The following SAP30 variants were observed in gnomAD, a reference collection of about 807,000 sequenced individuals.
SAP30 encodes the protein Sin3A associated protein 30, also known as histone deacetylase complex subunit SAP30.
Under a neutral mutation model 19.6 loss-of-function variants are expected in SAP30, and 13 were observed. The observed-to-expected ratio is 0.66, with a 90% CI of 0.43 to 1.05. SAP30 has a LOEUF of 1.05. SAP30 is among the 50% of genes least tolerant of loss of function. The probability of loss-of-function intolerance (pLI) is 0.00; values close to 1 mark genes in which losing one functional copy is unlikely to be tolerated. For missense variants in SAP30, 257 were observed against 292.1 expected (o/e 0.88, Z 0.88); for synonymous variants, 108 against 122.7 (o/e 0.88, Z 0.79).
Position 173,371,457 on chromosome 4 carries a change from G to T in SAP30, c.275G>T (p.Ser92Ile). 3 of 1,592,002 alleles carry T rather than the reference G, an allele frequency of 1.9e-6. No individual in the cohort carries two copies. The highest frequency in any genetic ancestry group is 2.6e-6 in the Non-Finnish European group (3 of 1,175,760). Residue 92 changes from serine (S) to isoleucine (I), a missense_variant, in exon 1 of 4, where the codon AGC (serine) becomes ATC (isoleucine). Coordinates refer to ENST00000296504, the MANE Select transcript of SAP30 (RefSeq NM_003864.4). The surrounding 1 kb of genome is among the most constrained non-coding windows in gnomAD (Gnocchi z 6.4). ...NASFSKRIQKSISQKKVKIEL... is the reference protein window; with the variant it reads ...NASFSKRIQKIISQKKVKIEL... Reference sequence around the variant, plus strand: ...AGCTTCAGCAAGAGGATCCAGAAGAGCATCTCCCAGAAGAAGGTGAAGATC... The same window carrying T: ...AGCTTCAGCAAGAGGATCCAGAAGATCATCTCCCAGAAGAAGGTGAAGATC...
intron 3 of SAP30, among the ~76,000 whole-genome samples, chr4:173,376,115 A>C (rs1739034108): frequency 6.6e-6 from 1 of 152,182 alleles, no homozygotes; most frequent in Non-Finnish European, 1.5e-5. Flanking sequence ...GGGTTGTATG[A>C]CTAAGTCTTA....
Position 173,377,358 on chromosome 4 carries a change from T to G in SAP30, c.*31T>G, listed in dbSNP as rs1416714656. On this transcript the variant is annotated 3_prime_UTR_variant, in exon 4 of 4. Coordinates refer to ENST00000296504, the MANE Select transcript of SAP30 (RefSeq NM_003864.4). The stretch of plus-strand genomic sequence containing the variant: ...GTGGAATTGAGACTAATAACTTGGA[T>G]GTTAACACTGTTTACTGTTTTTTCA... 2 of 1,578,414 alleles carry G rather than the reference T, an allele frequency of 1.3e-6. No homozygotes were observed. The highest frequency in any genetic ancestry group is 8.6e-7 in the Non-Finnish European group (1 of 1,165,782).
Position 173,371,589 on chromosome 4 carries a change from G to GACA in SAP30, c.315+95_315+97dup, listed in dbSNP as rs1469983420. 1 of 1,507,834 alleles carries GACA rather than the reference G, an allele frequency of 6.6e-7. No homozygotes were observed. Among genetic ancestry groups the GACA allele is most frequent in the Admixed American group, 1.9e-5 (1 of 52,444 alleles). The allele number at this position is 1,507,834 out of a possible 1,614,324, so 93.4% of individuals were successfully genotyped here. ...CACGGGTTGTCGGCGGGGTCCCCCA[G>GACA]ACAACCGCACTGGCTGCAGTGCGGT... On this transcript the variant is annotated intron_variant, in intron 1 of 3. Transcript: ENST00000296504. The surrounding 1 kb of genome is among the most constrained non-coding windows in gnomAD (Gnocchi z 6.4).
At chr4:173,375,123 A>G (rs148513956) in intron 3 of SAP30, among the ~76,000 whole-genome samples, 114 of 151,570 alleles carry the variant, frequency 7.5e-4, no homozygotes, top group African/African-American at 2.5e-3. Context: ...CACCATGGGC[A>G]ACATAGCAAC....
chr4:173,372,662 A>T (rs1449711458), intron 1 of SAP30, among the ~76,000 whole-genome samples: 2 of 152,214 alleles, frequency 1.3e-5, no homozygotes, highest in African/African-American at 4.8e-5. Context: ...ATATTACTAA[A>T]ATATGCTGTT....
At position 173,371,327 on chromosome 4, in the gene SAP30, G is replaced by T. The variant is rs1738926875; in HGVS notation, c.145G>T (p.Ala49Ser). The change falls in exon 1 of 4, where the codon GCG (alanine) becomes TCG (serine). Residue 49 changes from alanine (A) to serine (S), a missense_variant. Coordinates refer to ENST00000296504, the MANE Select transcript of SAP30 (RefSeq NM_003864.4). The surrounding 1 kb of genome is among the most constrained non-coding windows in gnomAD (Gnocchi z 6.4). ...GTGAEVPGAGAVSAAGPPGAA... is the reference protein window; with the variant it reads ...GTGAEVPGAGSVSAAGPPGAA... ...CGGGGCTGAGGTGCCGGGCGCGGGGGCGGTCTCAGCGGCTGGGCCCCCGGG... is the reference window on the plus strand; with the variant it reads ...CGGGGCTGAGGTGCCGGGCGCGGGGTCGGTCTCAGCGGCTGGGCCCCCGGG... 7.5e-7 allele frequency: 1 copy of T among 1,331,298 alleles called. No individual in the cohort carries two copies. Among genetic ancestry groups the T allele is most frequent in the Middle Eastern group, 2.7e-4 (1 of 3,744 alleles). The allele number at this position is 1,331,298 out of a possible 1,614,324, so 82.5% of individuals were successfully genotyped here.
At position 173,374,003 on chromosome 4, in the gene SAP30, C is replaced by T; in HGVS notation, c.506C>T (p.Thr169Ile). ...TACAAAAGACACTTCAAGCTACCAA[C>T]CAGACCAGGACTTAATAAAGCACAA... The part of the protein sequence containing the change: ...RRYKRHFKLP[T>I]RPGLNKAQLV... Residue 169 changes from threonine (T) to isoleucine (I), a missense_variant, in exon 3 of 4, where the codon ACC (threonine) becomes ATC (isoleucine). Transcript: ENST00000296504. 6.2e-7 allele frequency: 1 copy of T among 1,602,782 alleles called. No individual in the cohort carries two copies. The highest frequency in any genetic ancestry group is 8.5e-7 in the Non-Finnish European group (1 of 1,173,290).
rs750975131 is a variant in SAP30 at position 173,371,492 on chromosome 4, A to T, written c.310A>T (p.Lys104Ter). 6.3e-7 allele frequency: 1 copy of T among 1,582,548 alleles called. No individual in the cohort carries two copies. The highest frequency in any genetic ancestry group is 1.1e-5 in the South Asian group (1 of 90,876). The change falls in exon 1 of 4, where the codon AAG (lysine) becomes TAG (stop). Residue 104 changes from lysine (K) to a stop codon, truncating the protein, a stop_gained. Coordinates refer to ENST00000296504, the MANE Select transcript of SAP30 (RefSeq NM_003864.4). LOFTEE classifies it high-confidence loss of function. This position sits in a 1 kb window ranked among gnomAD's most constrained non-coding sequence, Gnocchi z 6.4. ...SQKKVKIELD[K>*]SARHLYICDY... Reference sequence around the variant, plus strand: ...GAAGAAGGTGAAGATCGAGCTGGATAAGAGCGTAAGTAAACCGCGGGACCG... The same window carrying T: ...GAAGAAGGTGAAGATCGAGCTGGATTAGAGCGTAAGTAAACCGCGGGACCG...
chr4:173,375,300 C>G (rs1424650241), intron 3 of SAP30, among the ~76,000 whole-genome samples: 1 of 152,014 alleles, frequency 6.6e-6, no homozygotes, highest in Non-Finnish European at 1.5e-5. Flanking sequence ...ATTTATTTGG[C>G]AGAATGCTTT....
At position 173,371,291 on chromosome 4, in the gene SAP30, G is replaced by C; in HGVS notation, c.109G>C (p.Gly37Arg). ...CGCCGCCTCGGCGGGGAACGGGACC[G>C]GCGCGGGCACCGGGGCTGAGGTGCC... Reference protein sequence around the residue: ...AAAASAGNGTGAGTGAEVPGA... With the variant: ...AAAASAGNGTRAGTGAEVPGA... The change falls in exon 1 of 4, where the codon GGC (glycine) becomes CGC (arginine). Residue 37 changes from glycine (G) to arginine (R), a missense_variant. Physicochemically the swap from Gly to Arg is moderately radical, Grantham distance 125 (BLOSUM62 -2). Transcript: ENST00000296504. This position sits in a 1 kb window ranked among gnomAD's most constrained non-coding sequence, Gnocchi z 6.4. 1 of 1,241,226 alleles carries C rather than the reference G, an allele frequency of 8.1e-7. No homozygotes were observed. The highest frequency in any genetic ancestry group is 1.0e-6 in the Non-Finnish European group (1 of 997,738). 76.9% of individuals were successfully genotyped at this position (1,241,226 alleles called of 1,614,324 possible).
chr4:173,374,048 G>T lies in SAP30; in HGVS notation c.540+11G>T. The T allele has an allele frequency of 1.4e-6, 2 of 1,472,694 alleles. No homozygotes were observed. The highest frequency in any genetic ancestry group is 1.9e-6 in the Non-Finnish European group (2 of 1,070,028). 91.2% of individuals were successfully genotyped at this position (1,472,694 alleles called of 1,614,324 possible). A position where few individuals can be genotyped will look rare whatever the true frequency, so the allele number is the denominator to read the frequency against. ...GCACAACTTGTTGAGGTATATATGA[G>T]TTTTAAACTATTTGAACTATCTGCA... On this transcript the variant is annotated intron_variant, in intron 3 of 3. Coordinates refer to ENST00000296504, the MANE Select transcript of SAP30 (RefSeq NM_003864.4).
chr4:173,371,380 G>C lies in SAP30; in HGVS notation c.198G>C (p.Leu66=), dbSNP rs1738929567. ...PGAAGPGPGQ[L]CCLREDGERC... ...CGGCCGGGCCGGGCCCCGGGCAACT[G>C]TGCTGCCTGCGGGAGGATGGTGAGC... The change falls in exon 1 of 4, where the codon CTG becomes CTC. Residue 66 remains leucine (L), a synonymous_variant. Transcript: ENST00000296504. The surrounding 1 kb of genome is among the most constrained non-coding windows in gnomAD (Gnocchi z 6.4). 1 of 1,572,624 alleles carries C rather than the reference G, an allele frequency of 6.4e-7. No homozygotes were observed. The highest frequency in any genetic ancestry group is 1.1e-5 in the South Asian group (1 of 90,400).
At chr4:173,374,461 A>G (rs1371096215) in intron 3 of SAP30, among the ~76,000 whole-genome samples, 1 of 152,122 alleles carries the variant, frequency 6.6e-6, no homozygotes, top group Non-Finnish European at 1.5e-5. Flanking sequence ...TAATATTTTT[A>G]GTAGAGATAG....
chr4:173,373,994 A>G lies in SAP30; in HGVS notation c.497A>G (p.Lys166Arg). ...CTTAGGAGATACAAAAGACACTTCA[A>G]GCTACCAACCAGACCAGGACTTAAT... Reference protein sequence around the residue: ...NTLRRYKRHFKLPTRPGLNKA... With the variant: ...NTLRRYKRHFRLPTRPGLNKA... The change falls in exon 3 of 4, where the codon AAG (lysine) becomes AGG (arginine). Residue 166 changes from lysine (K) to arginine (R), a missense_variant. Lys to Arg is a conservative substitution (Grantham distance 26). Transcript: ENST00000296504. The G allele has an allele frequency of 6.2e-7, 1 of 1,605,220 alleles. No homozygotes were observed. The highest frequency in any genetic ancestry group is 8.5e-7 in the Non-Finnish European group (1 of 1,174,970).
intron 2 of SAP30, 59 bp from the exon 3 acceptor site, chr4:173,373,880 T>A: frequency 1.2e-6 from 1 of 807,314 alleles, no homozygotes. Context: ...ATTATACATA[T>A]CAATGATAAA....
intron 1 of SAP30, among the ~76,000 whole-genome samples, chr4:173,372,583 G>A (rs1332516729): frequency 6.6e-6 from 1 of 152,158 alleles, no homozygotes; most frequent in Non-Finnish European, 1.5e-5. Flanking sequence ...GCTCATTTGT[G>A]AAAACGAATG....
At chr4:173,372,380 T>C (rs1001211127) in intron 1 of SAP30, among the ~76,000 whole-genome samples, 5 of 152,232 alleles carry the variant, frequency 3.3e-5, no homozygotes, top group African/African-American at 1.2e-4. Context: ...TATATGTAAT[T>C]AAAGTTTTTG....
Position 173,373,399 on chromosome 4 carries a change from C to T in SAP30, c.325C>T (p.Leu109Phe), listed in dbSNP as rs1381584506. The T allele has an allele frequency of 6.3e-7, 1 of 1,599,946 alleles. No homozygotes were observed. Among genetic ancestry groups the T allele is most frequent in the Non-Finnish European group, 8.5e-7 (1 of 1,173,948 alleles). The stretch of plus-strand genomic sequence containing the variant: ...AACTTTTCTGTTTCAGGCAAGGCAT[C>T]TTTACATATGTGATTATCATAAAAA... ...KIELDKSARHLYICDYHKNLI... is the reference protein window; with the variant it reads ...KIELDKSARHFYICDYHKNLI... Residue 109 changes from leucine (L) to phenylalanine (F), a missense_variant, in exon 2 of 4, where the codon CTT becomes TTT. Leu to Phe is a conservative substitution (Grantham distance 22). Coordinates refer to ENST00000296504, the MANE Select transcript of SAP30 (RefSeq NM_003864.4).
rs926132805 is a variant in SAP30, at chr4:173,371,434, C to T, written c.252C>T (p.Ser84=). Residue 84 remains serine, a synonymous_variant, in exon 1 of 4, where the codon AGC becomes AGT. Coordinates refer to ENST00000296504, the MANE Select transcript of SAP30 (RefSeq NM_003864.4). This position sits in a 1 kb window ranked among gnomAD's most constrained non-coding sequence, Gnocchi z 6.4. The part of the protein sequence containing the change: ...ERCGRAAGNA[S]FSKRIQKSIS... Reference sequence around the variant, plus strand: ...GCGGCCGGGCGGCAGGCAACGCCAGCTTCAGCAAGAGGATCCAGAAGAGCA... The same window carrying T: ...GCGGCCGGGCGGCAGGCAACGCCAGTTTCAGCAAGAGGATCCAGAAGAGCA... 14 of 1,592,358 alleles carry T rather than the reference C, an allele frequency of 8.8e-6. No individual in the cohort carries two copies. Among genetic ancestry groups the T allele is most frequent in the African/African-American group, 4.0e-5 (3 of 74,170 alleles).
Sources: gnomAD v4.1 joint callset for allele counts (sites outside exome capture counted in the v4.1 genomes callset) on GRCh38, gnomAD v4.1.1 for gene constraint, Gnocchi (gnomAD v3.1) non-coding constraint, MANE v1.5 for transcripts, NCBI Gene and HGNC (gene_info 2026-07-23, HGNC 2026-07-21) for gene names.